Variants in ZNF521 observed in about 807,000 individuals in gnomAD.
ZNF521 encodes LYST-interacting protein 3.
In ZNF521, 14 loss-of-function variants were observed where a neutral mutation model predicts 105.5. That is an observed-to-expected ratio of 0.13 (90% CI 0.09 to 0.21). ZNF521 has a LOEUF of 0.21. Among genes scored for constraint, ZNF521 ranks in the 10% least tolerant of loss-of-function variants. The pLI is 1.00. For synonymous variants in ZNF521, 635 were observed against 606.0 expected (o/e 1.05, Z -0.70); for missense variants, 1,233 against 1,629.7 (o/e 0.76, Z 4.19).
intron 5 of ZNF521, 96 bp from the exon 6 acceptor site, chr18:25,092,177 C>T (rs1389420313): frequency 4.4e-5 from 62 of 1,400,758 alleles, no homozygotes; most frequent in Admixed American, 5.8e-5. Context: ...AAACTATTTC[C>T]ATCACCTAAT....
chr18:25,073,372 A>G (rs1301992836), intron 7 of ZNF521, among the ~76,000 whole-genome samples: 2 of 152,246 alleles, frequency 1.3e-5, no homozygotes, highest in South Asian at 2.1e-4. Flanking sequence ...CTATAATCAT[A>G]TCACTTGGTC....
At chr18:25,261,995 A>C (rs1908942800) in intron 3 of ZNF521, among the ~76,000 whole-genome samples, 1 of 152,172 alleles carries the variant, frequency 6.6e-6, no homozygotes. Flanking sequence ...TAGGATTATA[A>C]AACTCTTAGT....
intron 5 of ZNF521, among the ~76,000 whole-genome samples, chr18:25,168,197 T>G (rs1366113742): frequency 6.6e-6 from 1 of 152,082 alleles, no homozygotes; most frequent in Non-Finnish European, 1.5e-5. Flanking sequence ...AATAAAAAGT[T>G]CCACATATGG....
At chr18:25,319,343 CA>C (rs1912809119) in intron 3 of ZNF521, among the ~76,000 whole-genome samples, 2 of 152,110 alleles carry the variant, frequency 1.3e-5, no homozygotes, top group South Asian at 4.1e-4. Context: ...CCTATAATCC[CA>C]ACACTTTGGG....
chr18:25,292,627 A>T (rs867656753), intron 3 of ZNF521, among the ~76,000 whole-genome samples: 1 of 152,204 alleles, frequency 6.6e-6, no homozygotes, highest in Admixed American at 6.5e-5. Flanking sequence ...GTAGGTGGGT[A>T]TGGATAGTGG....
intron 5 of ZNF521, among the ~76,000 whole-genome samples, chr18:25,181,325 G>A (rs1600127045): frequency 2.6e-5 from 4 of 152,128 alleles, no homozygotes; most frequent in Admixed American, 2.6e-4. Flanking sequence ...TGCAATGCCA[G>A]ACAGCCTGAT....
intron 3 of ZNF521, among the ~76,000 whole-genome samples, chr18:25,234,221 C>T (rs933965402): frequency 5.3e-5 from 8 of 152,190 alleles, no homozygotes; most frequent in African/African-American, 1.9e-4. Context: ...CTGTGTATTA[C>T]ACATCTGTTT....
Position 25,309,648 on chromosome 18 carries a change from A to ATTTCT in ZNF521, c.220+12359_220+12360insAGAAA, listed in dbSNP as rs1600288560. ...CACTGGTGAAAAGCAAATATTTTGC[A>ATTTCT]TAGAAAATAAAATTAGGTATAAGAA... On this transcript the variant is annotated intron_variant, in intron 3 of 7. Coordinates refer to ENST00000361524, the MANE Select transcript of ZNF521 (RefSeq NM_015461.3). 1.2e-4 allele frequency among the ~76,000 whole-genome samples: 19 copies of ATTTCT among 152,342 alleles called. No homozygotes were observed. The East Asian group carries it at 3.7e-3, about 29-fold the overall frequency.
At chr18:25,302,378 C>G (rs1911696672) in intron 3 of ZNF521, 1 of 152,258 alleles carries the variant, frequency 6.6e-6, no homozygotes, top group South Asian at 2.1e-4. Flanking sequence ...AGGCTAGCAC[C>G]TAGGTGACAC....
At chr18:25,085,653 ATGTGTGTGTGTGTG>A (rs10569576) in intron 7 of ZNF521, among the ~76,000 whole-genome samples, 91 of 144,348 alleles carry the variant, frequency 6.3e-4, no homozygotes, top group Middle Eastern at 6.8e-3. Flanking sequence ...CCATATATAT[ATGTGTGTGTGTGTG>A]TGTGTGTGTG....
chr18:25,142,600 G>C (rs1411278102), intron 5 of ZNF521, among the ~76,000 whole-genome samples: 1 of 152,060 alleles, frequency 6.6e-6, no homozygotes, highest in African/African-American at 2.4e-5. Flanking sequence ...TGGCTACCAA[G>C]TCTTAGAATA....
At chr18:25,246,246 A>G (rs1264237516) in intron 3 of ZNF521, among the ~76,000 whole-genome samples, 1 of 152,158 alleles carries the variant, frequency 6.6e-6, no homozygotes, top group Non-Finnish European at 1.5e-5. Context: ...TAAAGTAAAA[A>G]AAAAGAAAGT....
intron 4 of ZNF521, among the ~76,000 whole-genome samples, chr18:25,215,161 AT>A (rs1191699598): frequency 2.0e-5 from 3 of 152,144 alleles, no homozygotes; most frequent in African/African-American, 4.8e-5. Flanking sequence ...GGAAATAGGA[AT>A]TCCTATTTCA....
chr18:25,165,409 C>T (rs2035321666), intron 5 of ZNF521, among the ~76,000 whole-genome samples: 1 of 152,216 alleles, frequency 6.6e-6, no homozygotes, highest in East Asian at 1.9e-4. Context: ...AGCTTCTTCA[C>T]ACTGTTTGCG....
At chr18:25,104,144 G>T (rs1027795384) in intron 5 of ZNF521, among the ~76,000 whole-genome samples, 8 of 152,006 alleles carry the variant, frequency 5.3e-5, no homozygotes, top group African/African-American at 1.9e-4. Flanking sequence ...AAATATGTCT[G>T]GGGCACAATA....
At chr18:25,195,132 C>T (rs774669871) in intron 5 of ZNF521, 28 bp downstream of exon 5, 1 of 1,513,554 alleles carries the variant, frequency 6.6e-7, no homozygotes, top group Non-Finnish European at 9.1e-7. Flanking sequence ...AAACATCTAT[C>T]TGTAATAAGG....
chr18:25,330,211 T>C (rs891908201), intron 2 of ZNF521, among the ~76,000 whole-genome samples: 3 of 152,060 alleles, frequency 2.0e-5, no homozygotes, highest in African/African-American at 7.2e-5. Flanking sequence ...GTCGCCAGGC[T>C]GGAGTGCAGT....
In ZNF521 at chr18:25,227,144, C is replaced by A; in HGVS notation, c.774G>T (p.Pro258=). The A allele has an allele frequency of 1.2e-6, 2 of 1,614,102 alleles. No individual in the cohort carries two copies. Among genetic ancestry groups the A allele is most frequent in the Non-Finnish European group, 1.7e-6 (2 of 1,180,000 alleles). The change falls in exon 4 of 8, where the codon CCG becomes CCT. Residue 258 remains proline, a synonymous_variant. Transcript: ENST00000361524. This position sits in a 1 kb window ranked among gnomAD's most constrained non-coding sequence, Gnocchi z 5.7. The part of the protein sequence containing the change: ...CSQCEEGFDF[P]EDLQKHIAEC... ...CTGCAATGTGTTTTTGGAGGTCTTC[C>A]GGGAAGTCAAAGCCTTCCTCACACT...
intron 4 of ZNF521, chr18:25,224,106 A>C (rs1404599607): frequency 2.1e-6 from 1 of 486,222 alleles, no homozygotes; most frequent in East Asian, 3.3e-5. Context: ...GTCATAGAGA[A>C]GACAATATCC....
Sources: gnomAD v4.1 joint callset for allele counts (sites outside exome capture counted in the v4.1 genomes callset) on GRCh38, gnomAD v4.1.1 for gene constraint, Gnocchi (gnomAD v3.1) non-coding constraint, MANE v1.5 for transcripts, NCBI Gene and HGNC (gene_info 2026-07-23, HGNC 2026-07-21) for gene names.